CXCL14: variants seen among roughly 807,000 people sequenced by gnomAD.
CXCL14 encodes C-X-C motif chemokine ligand 14, also known as C-X-C motif chemokine 14.
CXCL14 carries 9 observed loss-of-function variants against 16.1 expected under a neutral mutation model. That is an observed-to-expected ratio of 0.56 (90% CI 0.34 to 0.97). CXCL14 has a LOEUF of 0.97. CXCL14 is among the 50% of genes least tolerant of loss of function. The pLI, the probability that CXCL14 is intolerant of heterozygous loss-of-function variation, is 0.02. For missense variants in CXCL14, 111 were observed against 132.5 expected (o/e 0.84, Z 0.80); for synonymous variants, 55 against 52.8 (o/e 1.04, Z -0.18).
intron 3 of CXCL14, 82 bp downstream of exon 3, chr5:135,574,490 G>T: frequency 1.9e-6 from 2 of 1,059,808 alleles, no homozygotes; most frequent in South Asian, 1.4e-5. Flanking sequence ...GGGGCTAGAT[G>T]ACCTGGTGGG....
intron 3 of CXCL14, among the ~76,000 whole-genome samples, chr5:135,573,025 T>C (rs1751049382): frequency 6.7e-6 from 1 of 150,328 alleles, no homozygotes; most frequent in Non-Finnish European, 1.5e-5. Flanking sequence ...GTTGCTTTTG[T>C]TATTGGAATT....
chr5:135,578,957 G>GCTGCGCT lies in CXCL14; in HGVS notation c.-186_-180dup. 1 of 615,642 alleles carries GCTGCGCT rather than the reference G, an allele frequency of 1.6e-6. No homozygotes were observed. The highest frequency in any genetic ancestry group is 3.3e-5 in the East Asian group (1 of 30,070). The allele number at this position is 615,642 out of a possible 1,614,324, so 38.1% of individuals were successfully genotyped here. A position where few individuals can be genotyped will look rare whatever the true frequency, so the allele number is the denominator to read the frequency against. On this transcript the variant is annotated 5_prime_UTR_variant, in exon 1 of 4. Transcript: ENST00000512158. Reference sequence around the variant, plus strand: ...TGCCCAGGGCTGTCTGTGGCCGTGCGCTGCGCTCTGCGCTTGTCTCCGCGC... The same window carrying GCTGCGCT: ...TGCCCAGGGCTGTCTGTGGCCGTGCGCTGCGCTCTGCGCTCTGCGCTTGTCTCCGCGC...
intron 2 of CXCL14, among the ~76,000 whole-genome samples, chr5:135,577,480 A>G (rs1336036338): frequency 1.3e-5 from 2 of 152,136 alleles, no homozygotes; most frequent in Non-Finnish European, 2.9e-5. Flanking sequence ...TAGCCCCTAG[A>G]CGGGGATGGG....
chr5:135,577,447 C>T (rs1751121086), intron 2 of CXCL14, among the ~76,000 whole-genome samples: 1 of 152,218 alleles, frequency 6.6e-6, no homozygotes, highest in East Asian at 1.9e-4. Flanking sequence ...TTTCTGAATT[C>T]CCCTAATTTC....
chr5:135,571,341 T>C lies in CXCL14; in HGVS notation c.*512A>G, dbSNP rs1046092. 13,846 of 153,170 alleles carry C rather than the reference T, an allele frequency of 0.09. 609 individuals carry two copies. Among genetic ancestry groups the C allele is most frequent in the South Asian group, 0.16 (770 of 4,842 alleles). The allele number at this position is 153,170 out of a possible 1,614,324, so 9.5% of individuals were successfully genotyped here. A position where few individuals can be genotyped will look rare whatever the true frequency, so the allele number is the denominator to read the frequency against. On this transcript the variant is annotated 3_prime_UTR_variant, in exon 4 of 4. Transcript: ENST00000512158. ...GCTTGCCCGGCTACAGGGGCCACTG[T>C]GGAGTCACACTGAGGCTGTGACCGG...
chr5:135,576,328 A>G (rs1431061837), intron 2 of CXCL14, among the ~76,000 whole-genome samples: 3 of 152,202 alleles, frequency 2.0e-5, no homozygotes, highest in Non-Finnish European at 4.4e-5. Flanking sequence ...TTCTGCCTAC[A>G]AGGCTGCTTT....
intron 2 of CXCL14, 36 bp from the exon 3 acceptor site, chr5:135,574,721 G>T: frequency 2.0e-6 from 3 of 1,536,392 alleles, no homozygotes; most frequent in South Asian, 2.2e-5. Flanking sequence ...GGGTTGAGGA[G>T]CCTGAATAAC....
At position 135,571,782 on chromosome 5, in the gene CXCL14, T is replaced by A; in HGVS notation, c.*71A>T. ...TTTTTTTTTTTTTTTTTTTTTTTTT[T>A]TTTAATCTGCAAAGTCCTTTGCACA... is the stretch of plus-strand genomic sequence containing the variant. On this transcript the variant is annotated 3_prime_UTR_variant, in exon 4 of 4. Transcript: ENST00000512158. The A allele has an allele frequency of 2.4e-6, 1 of 423,456 alleles. No individual in the cohort carries two copies. Among genetic ancestry groups the A allele is most frequent in the South Asian group, 3.0e-5 (1 of 33,346 alleles). 26.2% of individuals were successfully genotyped at this position (423,456 alleles called of 1,614,324 possible). A position where few individuals can be genotyped will look rare whatever the true frequency, so the allele number is the denominator to read the frequency against.
In CXCL14 at chr5:135,578,451, G is replaced by A. The variant is rs1751152943; in HGVS notation, c.153C>T (p.Cys51=). The A allele has an allele frequency of 1.9e-6, 3 of 1,614,058 alleles. No individual in the cohort carries two copies. The highest frequency in any genetic ancestry group is 1.3e-5 in the African/African-American group (1 of 75,046). Residue 51 remains cysteine, a synonymous_variant, in exon 2 of 4, where the codon TGC becomes TGT. Coordinates refer to ENST00000512158, the MANE Select transcript of CXCL14 (RefSeq NM_004887.5). ...KLEMKPKYPH[C]EEKMVIITTK... ...GAACTCACATAACCATCTTCTCCTC[G>A]CAGTGCGGGTACTTTGGCTTCATTT...
At chr5:135,577,708 G>A (rs930946989) in intron 2 of CXCL14, among the ~76,000 whole-genome samples, 2 of 152,210 alleles carry the variant, frequency 1.3e-5, no homozygotes, top group African/African-American at 2.4e-5. Context: ...AGGAGGCAGC[G>A]GTGCTGGCCT....
Position 135,571,741 on chromosome 5 carries a change from G to GGTTTTTTTTTTTT in CXCL14, c.*111_*112insAAAAAAAAAAAAC. 1.6e-6 allele frequency: 1 copy of GGTTTTTTTTTTTT among 636,424 alleles called. No individual in the cohort carries two copies. The highest frequency in any genetic ancestry group is 2.3e-6 in the Non-Finnish European group (1 of 430,866). 39.4% of individuals were successfully genotyped at this position (636,424 alleles called of 1,614,324 possible). Reference sequence around the variant, plus strand: ...TGTCTTATGCCTGTGAGAAAGAAAGGCTTTTTTTTTTTTTTTTTTTTTTTT... The same window carrying GGTTTTTTTTTTTT: ...TGTCTTATGCCTGTGAGAAAGAAAGGGTTTTTTTTTTTTCTTTTTTTTTTTTTTTTTTTTTTTT... On this transcript the variant is annotated 3_prime_UTR_variant, in exon 4 of 4. Coordinates refer to ENST00000512158, the MANE Select transcript of CXCL14 (RefSeq NM_004887.5).
intron 1 of CXCL14, 22 bp from the exon 2 acceptor site, chr5:135,578,561 C>A (rs1561742366): frequency 2.5e-6 from 4 of 1,611,208 alleles, no homozygotes; most frequent in Non-Finnish European, 3.4e-6. Flanking sequence ...CGCGGGGCAA[C>A]GGCTTAGTTG....
At chr5:135,572,268 C>T (rs370725994) in intron 3 of CXCL14, among the ~76,000 whole-genome samples, 4 of 152,186 alleles carry the variant, frequency 2.6e-5, no homozygotes, top group African/African-American at 7.2e-5. Context: ...TGTTTCTTTC[C>T]GCGTCTGTAC....
At chr5:135,574,985 G>A (rs1474995792) in intron 2 of CXCL14, among the ~76,000 whole-genome samples, 1 of 152,160 alleles carries the variant, frequency 6.6e-6, no homozygotes, top group Admixed American at 6.5e-5. Flanking sequence ...ACCTCATGCA[G>A]TGTGTTGTCT....
At chr5:135,572,467 C>T (rs969909776) in intron 3 of CXCL14, among the ~76,000 whole-genome samples, 8 of 152,132 alleles carry the variant, frequency 5.3e-5, no homozygotes, top group Admixed American at 2.0e-4. Flanking sequence ...AGGCCTGTGC[C>T]CCTCAGTCCC....
At position 135,571,573 on chromosome 5, in the gene CXCL14, T is replaced by C; in HGVS notation, c.*280A>G. 2.2e-6 allele frequency: 1 copy of C among 458,206 alleles called. No homozygotes were observed. The highest frequency in any genetic ancestry group is 3.6e-5 in the East Asian group (1 of 27,440). The allele number at this position is 458,206 out of a possible 1,614,324, so 28.4% of individuals were successfully genotyped here. On this transcript the variant is annotated 3_prime_UTR_variant, in exon 4 of 4. Coordinates refer to ENST00000512158, the MANE Select transcript of CXCL14 (RefSeq NM_004887.5). ...TTTTAAAAAGGAAAGGCATGAGTTTTCCCCTTTTTGATAAAAAGCAGCCTG... is the reference window on the plus strand; with the variant it reads ...TTTTAAAAAGGAAAGGCATGAGTTTCCCCCTTTTTGATAAAAAGCAGCCTG...
chr5:135,570,993 T>C lies in CXCL14; in HGVS notation c.*860A>G, dbSNP rs1751017847. 6.6e-6 allele frequency: 1 copy of C among 152,232 alleles called. No homozygotes were observed. The highest frequency in any genetic ancestry group is 2.4e-5 in the African/African-American group (1 of 41,454). 9.4% of individuals were successfully genotyped at this position (152,232 alleles called of 1,614,324 possible). On this transcript the variant is annotated 3_prime_UTR_variant, in exon 4 of 4. Transcript: ENST00000512158. ...GGAAAGAAACATGCTTTGAAGGTTTTCCCTTGTCAACAGAATGTGTGTCTG... is the reference window on the plus strand; with the variant it reads ...GGAAAGAAACATGCTTTGAAGGTTTCCCCTTGTCAACAGAATGTGTGTCTG...
At position 135,570,995 on chromosome 5, in the gene CXCL14, C is replaced by T. The variant is rs1021909318; in HGVS notation, c.*858G>A. On this transcript the variant is annotated 3_prime_UTR_variant, in exon 4 of 4. Coordinates refer to ENST00000512158, the MANE Select transcript of CXCL14 (RefSeq NM_004887.5). ...AAAGAAACATGCTTTGAAGGTTTTC[C>T]CTTGTCAACAGAATGTGTGTCTGTA... 1 of 152,126 alleles carries T rather than the reference C, an allele frequency of 6.6e-6. No homozygotes were observed. Among genetic ancestry groups the T allele is most frequent in the Non-Finnish European group, 1.5e-5 (1 of 68,022 alleles). The allele number at this position is 152,126 out of a possible 1,614,324, so 9.4% of individuals were successfully genotyped here. A position where few individuals can be genotyped will look rare whatever the true frequency, so the allele number is the denominator to read the frequency against.
At position 135,574,592 on chromosome 5, in the gene CXCL14, G is replaced by A. The variant is rs150851659; in HGVS notation, c.264C>T (p.Asn88=). 2.7e-5 allele frequency: 43 copies of A among 1,613,090 alleles called. No individual in the cohort carries two copies. Among genetic ancestry groups the A allele is most frequent in the Middle Eastern group, 3.7e-4 (2 of 5,382 alleles). Residue 88 remains asparagine, a synonymous_variant, in exon 3 of 4, where the codon AAC becomes AAT. Transcript: ENST00000512158. Reference sequence around the variant, plus strand: ...CGTACCTGCGCTTCTCGTTCCAGGCGTTGTACCACTTGATGAAGCGCTTGG... The same window carrying A: ...CGTACCTGCGCTTCTCGTTCCAGGCATTGTACCACTTGATGAAGCGCTTGG... The part of the protein sequence containing the change: ...QSTKRFIKWY[N]AWNEKRRVYE...
Sources: allele counts gnomAD v4.1 joint callset (sites outside exome capture counted in the v4.1 genomes callset), GRCh38; gene constraint gnomAD v4.1.1; transcripts MANE v1.5; gene names NCBI Gene and HGNC (gene_info 2026-07-23, HGNC 2026-07-21).